Variants in DAB1 observed in about 807,000 individuals in gnomAD.
DAB1 encodes the protein disabled homolog 1.
DAB1 carries 15 observed loss-of-function variants against 64.6 expected under a neutral mutation model. The ratio of observed to expected loss-of-function variants is 0.23; its 90% CI spans 0.16 to 0.36. The LOEUF (loss-of-function observed/expected upper bound fraction) is 0.36, where lower values mean the gene tolerates loss of function less well. Among genes scored for constraint, DAB1 ranks in the 10% least tolerant of loss-of-function variants. DAB1 has a pLI of 1.00. For synonymous variants in DAB1, 235 were observed against 251.9 expected (o/e 0.93, Z 0.64); for missense variants, 596 against 706.7 (o/e 0.84, Z 1.78).
At chr1:58,031,989 C>CGTGTGTGTGTGTGTGTGT (rs59449665) in intron 5 of DAB1, among the ~76,000 whole-genome samples, 6 of 141,982 alleles carry the variant, frequency 4.2e-5, no homozygotes, top group African/African-American at 1.6e-4. Context: ...CTGATAGAAA[C>CGTGTGTGTGTGTGTGTGT]GTGTGTGTGT....
chr1:57,195,023 G>A (rs1664509755), intron 2 of DAB1, among the ~76,000 whole-genome samples: 1 of 152,208 alleles, frequency 6.6e-6, no homozygotes, highest in Non-Finnish European at 1.5e-5. Flanking sequence ...GAAATGGACA[G>A]AAAATGATTA....
intron 7 of DAB1, among the ~76,000 whole-genome samples, chr1:57,638,439 G>A (rs1158043532): frequency 1.3e-5 from 2 of 152,090 alleles, no homozygotes; most frequent in African/African-American, 2.4e-5. Flanking sequence ...CATCTGCAAT[G>A]GTGTGCAAGT....
chr1:57,161,254 G>A (rs111919067), intron 2 of DAB1, among the ~76,000 whole-genome samples: 6 of 152,324 alleles, frequency 3.9e-5, no homozygotes, highest in African/African-American at 1.4e-4. Flanking sequence ...GCAGCACCGA[G>A]TGCTCAGATA....
intron 2 of DAB1, among the ~76,000 whole-genome samples, chr1:58,517,977 G>A (rs1252378821): frequency 6.6e-6 from 1 of 151,230 alleles, no homozygotes; most frequent in Non-Finnish European, 1.5e-5. Flanking sequence ...ACCTGAGGTT[G>A]GGAGTTCGAG....
At chr1:57,098,646 G>A (rs1357251534) in intron 4 of DAB1, among the ~76,000 whole-genome samples, 1 of 152,142 alleles carries the variant, frequency 6.6e-6, no homozygotes, top group Non-Finnish European at 1.5e-5. Context: ...CTTGTTCCTT[G>A]TTTAAAGATG....
chr1:57,712,164 C>T (rs1647036131), intron 6 of DAB1, among the ~76,000 whole-genome samples: 1 of 152,128 alleles, frequency 6.6e-6, no homozygotes, highest in African/African-American at 2.4e-5. Flanking sequence ...TTTTAAGTGA[C>T]ATGTTATTAC....
At chr1:58,168,816 A>G (rs561937992) in intron 4 of DAB1, among the ~76,000 whole-genome samples, 1 of 152,310 alleles carries the variant, frequency 6.6e-6, no homozygotes, top group East Asian at 1.9e-4. Flanking sequence ...TTTTTGGGGC[A>G]TAACATCTTT....
At chr1:57,531,613 C>T (rs1228524580) in intron 7 of DAB1, among the ~76,000 whole-genome samples, 1 of 151,924 alleles carries the variant, frequency 6.6e-6, no homozygotes, top group Non-Finnish European at 1.5e-5. Flanking sequence ...GCTGAAGTGG[C>T]ATGGTATGAA....
intron 3 of DAB1, among the ~76,000 whole-genome samples, chr1:58,504,926 T>G (rs577945990): frequency 6.6e-6 from 1 of 152,282 alleles, no homozygotes; most frequent in South Asian, 2.1e-4. Context: ...CCGTATTTGT[T>G]GGGCTGAATT....
At chr1:57,648,780 T>C (rs1646223411) in intron 7 of DAB1, among the ~76,000 whole-genome samples, 2 of 152,172 alleles carry the variant, frequency 1.3e-5, no homozygotes, top group African/African-American at 4.8e-5. Flanking sequence ...GAATATTACC[T>C]TGTGGAGAAT....
intron 2 of DAB1, among the ~76,000 whole-genome samples, chr1:57,171,765 G>A (rs1315151517): frequency 6.6e-6 from 1 of 152,192 alleles, no homozygotes; most frequent in Admixed American, 6.5e-5. Flanking sequence ...CACAGTTTAT[G>A]TCCTGCAGCA....
chr1:57,924,770 G>A (rs1477824447), intron 5 of DAB1, among the ~76,000 whole-genome samples: 1 of 151,232 alleles, frequency 6.6e-6, no homozygotes, highest in Non-Finnish European at 1.5e-5. Context: ...ACCCATCCAA[G>A]TTACATTTTC....
intron 3 of DAB1, among the ~76,000 whole-genome samples, chr1:58,383,194 T>A (rs1006138805): frequency 2.0e-5 from 3 of 151,850 alleles, no homozygotes; most frequent in African/African-American, 7.2e-5. Flanking sequence ...ATGCCCTTTT[T>A]ATATAGATAA....
intron 4 of DAB1, among the ~76,000 whole-genome samples, chr1:58,232,684 G>C (rs1377528943): frequency 1.3e-5 from 2 of 152,204 alleles, no homozygotes; most frequent in Non-Finnish European, 2.9e-5. Flanking sequence ...GGGCAGAAAA[G>C]GCACTCGGAG....
intron 2 of DAB1, among the ~76,000 whole-genome samples, chr1:57,185,152 C>A (rs978398053): frequency 6.6e-6 from 1 of 152,136 alleles, no homozygotes; most frequent in Non-Finnish European, 1.5e-5. Context: ...CAGGCGAACT[C>A]CCTGAGATGG....
At chr1:57,808,136 CCCT>C (rs1242558379) in intron 6 of DAB1, among the ~76,000 whole-genome samples, 1 of 151,792 alleles carries the variant, frequency 6.6e-6, no homozygotes, top group East Asian at 1.9e-4. Flanking sequence ...ATTATATTCT[CCCT>C]CTCTCTCTCT....
intron 3 of DAB1, among the ~76,000 whole-genome samples, chr1:58,499,763 T>C (rs973599873): frequency 6.6e-6 from 1 of 150,894 alleles, no homozygotes; most frequent in South Asian, 2.1e-4. Flanking sequence ...TCCATAAATA[T>C]ATAAAAAATT....
intron 5 of DAB1, among the ~76,000 whole-genome samples, chr1:58,118,607 TAC>T (rs1410258374): frequency 2.3e-5 from 2 of 86,954 alleles, no homozygotes; most frequent in South Asian, 9.8e-4. Context: ...TATATATATA[TAC>T]ATATATATAT....
intron 6 of DAB1, among the ~76,000 whole-genome samples, chr1:57,818,194 A>T (rs1651956262): frequency 6.6e-6 from 1 of 152,186 alleles, no homozygotes; most frequent in Non-Finnish European, 1.5e-5. Flanking sequence ...ATGTCAAGAC[A>T]TGGGCAAGGC....
Sources: allele counts gnomAD v4.1 joint callset (sites outside exome capture counted in the v4.1 genomes callset), GRCh38; gene constraint gnomAD v4.1.1; transcripts MANE v1.5; gene names NCBI Gene and HGNC (gene_info 2026-07-23, HGNC 2026-07-21).